Variants in SAMTOR observed in about 807,000 individuals in gnomAD.
SAMTOR encodes the protein S-adenosylmethionine sensor upstream of mTORC1.
At chr7:112,830,296 G>A in the SAMTOR span, among the ~76,000 whole-genome samples, 1 of 152,080 alleles carries the variant, frequency 6.6e-6, no homozygotes, top group Non-Finnish European at 1.5e-5. Context: ...AAGTGGAAGA[G>A]GATAAAGCTG....
the SAMTOR span, among the ~76,000 whole-genome samples, chr7:112,901,493 T>A: frequency 6.6e-6 from 1 of 151,938 alleles, no homozygotes; most frequent in African/African-American, 2.4e-5. Flanking sequence ...TTATGATGAG[T>A]TGTACAATTA....
At chr7:112,836,456 T>C in the SAMTOR span, among the ~76,000 whole-genome samples, 1 of 152,184 alleles carries the variant, frequency 6.6e-6, no homozygotes, top group South Asian at 2.1e-4. Context: ...TAGTTTCTGT[T>C]GCTGTGCAGA....
At chr7:112,927,121 A>G in the SAMTOR span, among the ~76,000 whole-genome samples, 1 of 151,996 alleles carries the variant, frequency 6.6e-6, no homozygotes, top group Non-Finnish European at 1.5e-5. Context: ...TTAAATTTTG[A>G]GCAAAGTTTT....
the SAMTOR span, among the ~76,000 whole-genome samples, chr7:112,911,688 T>A: frequency 6.6e-6 from 1 of 151,464 alleles, no homozygotes; most frequent in Admixed American, 6.6e-5. Flanking sequence ...ACAACCCAAA[T>A]GGACAAAAAC....
the SAMTOR span, among the ~76,000 whole-genome samples, chr7:112,844,334 C>T: frequency 1.3e-5 from 2 of 152,008 alleles, no homozygotes; most frequent in Non-Finnish European, 2.9e-5. Flanking sequence ...GGAAGTCAAA[C>T]CATCCCTATT....
chr7:112,870,962 A>G, the SAMTOR span, among the ~76,000 whole-genome samples: 1 of 152,190 alleles, frequency 6.6e-6, no homozygotes, highest in Non-Finnish European at 1.5e-5. Flanking sequence ...TAAAGAGCTC[A>G]ATTCCATGAG....
chr7:112,893,426 T>C, the SAMTOR span, among the ~76,000 whole-genome samples: 2 of 152,194 alleles, frequency 1.3e-5, no homozygotes, highest in African/African-American at 2.4e-5. Context: ...CCAACCTCTG[T>C]TAAGCTTCAA....
chr7:112,930,954 C>A, the SAMTOR span, among the ~76,000 whole-genome samples: 1 of 152,156 alleles, frequency 6.6e-6, no homozygotes. Flanking sequence ...TGGATATGAG[C>A]AAAGCTTTGC....
chr7:112,855,918 A>C, the SAMTOR span, among the ~76,000 whole-genome samples: 4 of 152,294 alleles, frequency 2.6e-5, no homozygotes, highest in South Asian at 2.1e-4. Flanking sequence ...TAAAAAAAAA[A>C]AACTTTTACT....
chr7:112,905,335 C>T, the SAMTOR span, among the ~76,000 whole-genome samples: 1 of 152,270 alleles, frequency 6.6e-6, no homozygotes, highest in South Asian at 2.1e-4. Flanking sequence ...ATTGATCACT[C>T]CATGTTTTCC....
chr7:112,834,733 G>T, the SAMTOR span, among the ~76,000 whole-genome samples: 1 of 152,028 alleles, frequency 6.6e-6, no homozygotes, highest in Non-Finnish European at 1.5e-5. Context: ...TAGGATTACT[G>T]AAAGCAGGTG....
At chr7:112,822,376 G>A in the SAMTOR span, 2 of 1,573,444 alleles carry the variant, frequency 1.3e-6, no homozygotes, top group Non-Finnish European at 1.7e-6. Context: ...TAGACACTCT[G>A]CAGAAACAGA....
the SAMTOR span, among the ~76,000 whole-genome samples, chr7:112,841,710 G>A: frequency 2.0e-5 from 3 of 152,074 alleles, no homozygotes; most frequent in Non-Finnish European, 2.9e-5. Flanking sequence ...AAACAGCATG[G>A]TAGTGGTACC....
chr7:112,821,971 T>C, the SAMTOR span: 5 of 1,613,506 alleles, frequency 3.1e-6, no homozygotes, highest in Non-Finnish European at 3.4e-6. Flanking sequence ...TAGTTCCTAC[T>C]AACCAAGTCA....
chr7:112,924,771 G>C, the SAMTOR span, among the ~76,000 whole-genome samples: 1 of 151,766 alleles, frequency 6.6e-6, no homozygotes, highest in Non-Finnish European at 1.5e-5. Flanking sequence ...GTTCAATCAT[G>C]TTAAATCATA....
At chr7:112,832,652 AT>A in the SAMTOR span, 1 of 1,611,758 alleles carries the variant, frequency 6.2e-7, no homozygotes, top group Non-Finnish European at 8.5e-7. Flanking sequence ...AAGTAATCTG[AT>A]TTTTCCTGAG....
At chr7:112,851,237 C>A in the SAMTOR span, among the ~76,000 whole-genome samples, 1 of 152,068 alleles carries the variant, frequency 6.6e-6, no homozygotes, top group East Asian at 1.9e-4. Context: ...GCTCAACTAG[C>A]CAAAGCAATC....
At chr7:112,851,834 G>A in the SAMTOR span, among the ~76,000 whole-genome samples, 4 of 152,024 alleles carry the variant, frequency 2.6e-5, no homozygotes, top group African/African-American at 9.7e-5. Flanking sequence ...TTTAAAAAGT[G>A]GGCAAAGGAC....
the SAMTOR span, among the ~76,000 whole-genome samples, chr7:112,844,246 T>C: frequency 6.6e-6 from 1 of 152,068 alleles, no homozygotes; most frequent in African/African-American, 2.4e-5. Flanking sequence ...ACCACTCCTA[T>C]TCAACATAGT....
Sources: gnomAD v4.1 joint callset for allele counts (sites outside exome capture counted in the v4.1 genomes callset) on GRCh38, gnomAD v4.1.1 for gene constraint, MANE v1.5 for transcripts, NCBI Gene and HGNC (gene_info 2026-07-23, HGNC 2026-07-21) for gene names.